PHF14: variants seen among roughly 807,000 people sequenced by gnomAD.
PHF14 encodes PHD finger protein 14.
A neutral mutation model predicts 117.9 loss-of-function variants in PHF14; 55 were observed. The ratio of observed to expected loss-of-function variants is 0.47; its 90% CI spans 0.38 to 0.58. PHF14 has a LOEUF of 0.58. Ranked by LOEUF, PHF14 falls within the 20% of genes least tolerant of loss-of-function variation. The pLI, the probability that PHF14 is intolerant of heterozygous loss-of-function variation, is 0.00. For missense variants in PHF14, 978 were observed against 1,122.2 expected (o/e 0.87, Z 1.84); for synonymous variants, 409 against 368.6 (o/e 1.11, Z -1.26).
intron 16 of PHF14, among the ~76,000 whole-genome samples, chr7:11,093,114 A>G (rs77372952): frequency 6.6e-6 from 1 of 152,146 alleles, no homozygotes; most frequent in Non-Finnish European, 1.5e-5. Context: ...TCTTTAACTC[A>G]TGGGTTATTT....
At chr7:11,166,327 GAGA>G (rs893663990) in intron 17 of PHF14, among the ~76,000 whole-genome samples, 1 of 148,762 alleles carries the variant, frequency 6.7e-6, no homozygotes, top group African/African-American at 2.5e-5. Context: ...TCTCAGCAGA[GAGA>G]AAAAAAAAAA....
intron 4 of PHF14, among the ~76,000 whole-genome samples, chr7:11,004,833 C>T (rs576572652): frequency 7.3e-4 from 111 of 151,854 alleles, no homozygotes; most frequent in African/African-American, 2.5e-3. Flanking sequence ...GTCAGGAGTT[C>T]GAGACCAGCT....
At chr7:10,985,978 A>AT (rs1188870803) in intron 3 of PHF14, among the ~76,000 whole-genome samples, 3 of 151,094 alleles carry the variant, frequency 2.0e-5, no homozygotes, top group Non-Finnish European at 2.9e-5. Context: ...TTAAATGTTT[A>AT]TTTTTTTTGA....
At chr7:11,085,828 T>C (rs996457809) in intron 16 of PHF14, among the ~76,000 whole-genome samples, 3 of 152,132 alleles carry the variant, frequency 2.0e-5, no homozygotes, top group Non-Finnish European at 4.4e-5. Flanking sequence ...GTCCTGGGAT[T>C]TGCTACTGAT....
chr7:11,083,785 G>C (rs1349508442), intron 16 of PHF14, among the ~76,000 whole-genome samples: 1 of 151,978 alleles, frequency 6.6e-6, no homozygotes, highest in Non-Finnish European at 1.5e-5. Flanking sequence ...TACCTAATGA[G>C]AATTCTTATT....
intron 4 of PHF14, among the ~76,000 whole-genome samples, chr7:11,009,097 A>G (rs1267721766): frequency 1.3e-5 from 2 of 151,974 alleles, no homozygotes; most frequent in African/African-American, 4.8e-5. Flanking sequence ...CTAATGATAT[A>G]TTAAGTACAG....
chr7:11,003,157 T>C (rs544275401), intron 4 of PHF14, among the ~76,000 whole-genome samples: 2 of 152,322 alleles, frequency 1.3e-5, no homozygotes, highest in South Asian at 4.1e-4. Context: ...GCCAGGATGG[T>C]CTTGATCTCC....
intron 1 of PHF14, 148 bp downstream of exon 1, chr7:10,974,472 C>T (rs1362727562): frequency 2.8e-5 from 21 of 740,422 alleles, no homozygotes; most frequent in Non-Finnish European, 4.7e-5. Context: ...GGAATGAAGC[C>T]CGCTTGTTTT....
intron 10 of PHF14, 76 bp downstream of exon 10, chr7:11,037,167 C>G: frequency 7.6e-7 from 1 of 1,314,398 alleles, no homozygotes; most frequent in Non-Finnish European, 1.0e-6. Context: ...TATGGCATTT[C>G]TTTTATGTTT....
At chr7:11,136,878 T>TA (rs934723183) in intron 17 of PHF14, among the ~76,000 whole-genome samples, 2 of 152,036 alleles carry the variant, frequency 1.3e-5, no homozygotes, top group South Asian at 2.1e-4. Context: ...TTTAATTACT[T>TA]AAAAAAAATT....
intron 17 of PHF14, among the ~76,000 whole-genome samples, chr7:11,148,840 G>A (rs566514238): frequency 6.6e-6 from 1 of 152,134 alleles, no homozygotes; most frequent in Admixed American, 6.6e-5. Context: ...GTGCATCTGA[G>A]CTCAACTTTG....
intron 16 of PHF14, among the ~76,000 whole-genome samples, chr7:11,101,398 G>C (rs1274770462): frequency 6.6e-6 from 1 of 151,498 alleles, no homozygotes; most frequent in African/African-American, 2.4e-5. Flanking sequence ...GTAAACTACA[G>C]ACAAAGTAGT....
At chr7:11,035,571 T>G in intron 7 of PHF14, 69 bp from the exon 8 acceptor site, 1 of 901,874 alleles carries the variant, frequency 1.1e-6, no homozygotes, top group Non-Finnish European at 1.6e-6. Flanking sequence ...TAATATTCTT[T>G]TGTGTTAGGT....
At chr7:11,055,749 T>G (rs1784994832) in intron 14 of PHF14, among the ~76,000 whole-genome samples, 1 of 152,166 alleles carries the variant, frequency 6.6e-6, no homozygotes, top group South Asian at 2.1e-4. Context: ...ATGTTTTAAC[T>G]AATTTTACGC....
chr7:11,089,094 A>G (rs1301261452), intron 16 of PHF14, among the ~76,000 whole-genome samples: 1 of 150,482 alleles, frequency 6.6e-6, no homozygotes, highest in Non-Finnish European at 1.5e-5. Context: ...TTAATTAGAT[A>G]TAAAAAAAAA....
chr7:11,112,424 G>T (rs766274546), intron 17 of PHF14, among the ~76,000 whole-genome samples: 4 of 152,096 alleles, frequency 2.6e-5, no homozygotes, highest in Non-Finnish European at 5.9e-5. Flanking sequence ...ACTGCAAAAA[G>T]ACATTTGGTT....
intron 17 of PHF14, among the ~76,000 whole-genome samples, chr7:11,157,391 A>AC (rs947240454): frequency 6.7e-6 from 1 of 150,154 alleles, no homozygotes; most frequent in African/African-American, 2.4e-5. Flanking sequence ...TGGGTTACCA[A>AC]AAAAAAAAAA....
At chr7:10,979,706 C>G (rs1215869371) in intron 2 of PHF14, among the ~76,000 whole-genome samples, 1 of 151,930 alleles carries the variant, frequency 6.6e-6, no homozygotes, top group Non-Finnish European at 1.5e-5. Context: ...TGGTTTATCT[C>G]CATTCCTCCA....
In PHF14 at chr7:11,169,549, C is replaced by T. The variant is rs1399190967; in HGVS notation, c.*59C>T. 1.4e-6 allele frequency: 1 copy of T among 689,972 alleles called. No individual in the cohort carries two copies. The highest frequency in any genetic ancestry group is 2.3e-6 in the Non-Finnish European group (1 of 430,784). 42.7% of individuals were successfully genotyped at this position (689,972 alleles called of 1,614,324 possible). ...GCTTATGTAATAGCAGATAAAATTT[C>T]TAATTGTAAAATGTTAAATTGTAAA... is the stretch of plus-strand genomic sequence containing the variant. On this transcript the variant is annotated 3_prime_UTR_variant, in exon 18 of 18. Transcript: ENST00000634607.
Sources: gnomAD v4.1 joint callset for allele counts (sites outside exome capture counted in the v4.1 genomes callset) on GRCh38, gnomAD v4.1.1 for gene constraint, MANE v1.5 for transcripts, NCBI Gene and HGNC (gene_info 2026-07-23, HGNC 2026-07-21) for gene names.